The following DBP variants were observed in gnomAD, a reference collection of about 807,000 sequenced individuals.
DBP encodes the protein D site-binding protein.
A neutral mutation model predicts 21.4 loss-of-function variants in DBP; 12 were observed. That is an observed-to-expected ratio of 0.56 (90% CI 0.36 to 0.91). The LOEUF is 0.91. Among genes scored for constraint, DBP ranks in the 40% least tolerant of loss-of-function variants. The probability of loss-of-function intolerance (pLI) is 0.01; values close to 1 mark genes in which losing one functional copy is unlikely to be tolerated. For synonymous variants in DBP, 213 were observed against 224.9 expected, an observed-to-expected ratio of 0.95 and a Z score of 0.47; for missense variants, 423 against 473.4, an observed-to-expected ratio of 0.89 and a Z score of 0.99.
In DBP at chr19:48,637,036, C is replaced by T. The variant is rs761226449; in HGVS notation, c.-42G>A. ...CCAGGCTCACGGGTTCATGGAGAGG[C>T]GAAGGGCTGGCCTGCCAGTCACCAG... is the stretch of plus-strand genomic sequence containing the variant. On this transcript the variant is annotated 5_prime_UTR_variant, in exon 1 of 4. Transcript: ENST00000222122. 3 of 1,445,508 alleles carry T rather than the reference C, an allele frequency of 2.1e-6. No homozygotes were observed. The highest frequency in any genetic ancestry group is 2.9e-5 in the African/African-American group (2 of 69,656). The allele number at this position is 1,445,508 out of a possible 1,614,324, so 89.5% of individuals were successfully genotyped here. A position where few individuals can be genotyped will look rare whatever the true frequency, so the allele number is the denominator to read the frequency against.
chr19:48,635,675 G>A lies in DBP; in HGVS notation c.455C>T (p.Pro152Leu), dbSNP rs1430430679. The A allele has an allele frequency of 7.6e-7, 1 of 1,318,784 alleles. No individual in the cohort carries two copies. Among genetic ancestry groups the A allele is most frequent in the Non-Finnish European group, 9.6e-7 (1 of 1,041,906 alleles). The allele number at this position is 1,318,784 out of a possible 1,614,324, so 81.7% of individuals were successfully genotyped here. ...AGCCGAGCCGCACGAACCCGGCCCTGGGGAGGGTGCGGGCGTCCGCGCGGG... is the reference window on the plus strand; with the variant it reads ...AGCCGAGCCGCACGAACCCGGCCCTAGGGAGGGTGCGGGCGTCCGCGCGGG... ...PSPARTPAPS[P>L]GPGSCGSASP... The change falls in exon 2 of 4, where the codon CCA becomes CTA. Residue 152 changes from proline to leucine, a missense_variant. By Grantham distance (98) the Pro-to-Leu change is moderately conservative. This residue lies in a region of DBP where 283 missense variants were observed against 273.7 expected (regional missense o/e 1.03). Coordinates refer to ENST00000222122, the MANE Select transcript of DBP (RefSeq NM_001352.5).
Position 48,637,053 on chromosome 19 carries a change from A to C in DBP, c.-59T>G. On this transcript the variant is annotated 5_prime_UTR_variant, in exon 1 of 4. Coordinates refer to ENST00000222122, the MANE Select transcript of DBP (RefSeq NM_001352.5). ...TGGAGAGGCGAAGGGCTGGCCTGCCAGTCACCAGCACACTCCAGTGGTTTG... is the reference window on the plus strand; with the variant it reads ...TGGAGAGGCGAAGGGCTGGCCTGCCCGTCACCAGCACACTCCAGTGGTTTG... 1 of 1,414,480 alleles carries C rather than the reference A, an allele frequency of 7.1e-7. No homozygotes were observed. The highest frequency in any genetic ancestry group is 9.3e-7 in the Non-Finnish European group (1 of 1,078,690). The allele number at this position is 1,414,480 out of a possible 1,614,324, so 87.6% of individuals were successfully genotyped here.
rs1396773133 is a variant in DBP, at chr19:48,630,619, C to T, written c.*218G>A. ...AACGGAGGCGGTGGGAGGATAGGGT[C>T]CCTGACGTGCCGGGGACACACACAG... On this transcript the variant is annotated 3_prime_UTR_variant, in exon 4 of 4. Transcript: ENST00000222122. The surrounding 1 kb of genome is among the most constrained non-coding windows in gnomAD (Gnocchi z 4.9). The T allele has an allele frequency of 6.6e-7, 1 of 1,514,916 alleles. No individual in the cohort carries two copies. Among genetic ancestry groups the T allele is most frequent in the South Asian group, 1.2e-5 (1 of 81,172 alleles). 93.8% of individuals were successfully genotyped at this position (1,514,916 alleles called of 1,614,324 possible).
chr19:48,636,963 G>A lies in DBP; in HGVS notation c.32C>T (p.Ala11Val), dbSNP rs1254687037. The A allele has an allele frequency of 3.3e-6, 5 of 1,538,172 alleles. No homozygotes were observed. The highest frequency in any genetic ancestry group is 2.6e-6 in the Non-Finnish European group (3 of 1,144,632). ...GGCCGGGCCGCCCAGCAGCAGAGGGGCCGGGGTCCTGTCGCTCACAGGCCG... is the reference window on the plus strand; with the variant it reads ...GGCCGGGCCGCCCAGCAGCAGAGGGACCGGGGTCCTGTCGCTCACAGGCCG... Reference protein sequence around the residue: MARPVSDRTPAPLLLGGPAGT... With the variant: MARPVSDRTPVPLLLGGPAGT... Residue 11 changes from alanine (A) to valine (V), a missense_variant, in exon 1 of 4, where the codon GCC becomes GTC. Around this residue, in one of 4 missense-constraint regions of DBP, gnomAD observed 283 missense variants for 273.7 expected, o/e 1.03. Transcript: ENST00000222122.
At position 48,630,550 on chromosome 19, in the gene DBP, A is replaced by T. The variant is rs372376366; in HGVS notation, c.*287T>A. On this transcript the variant is annotated 3_prime_UTR_variant, in exon 4 of 4. Coordinates refer to ENST00000222122, the MANE Select transcript of DBP (RefSeq NM_001352.5). This position sits in a 1 kb window ranked among gnomAD's most constrained non-coding sequence, Gnocchi z 4.9. ...CCAGGGAGCTGCCCTCTTCTTCCACAACAGCTGGCTCTGGGGTTCTCAAGA... is the reference window on the plus strand; with the variant it reads ...CCAGGGAGCTGCCCTCTTCTTCCACTACAGCTGGCTCTGGGGTTCTCAAGA... 2.0e-6 allele frequency: 3 copies of T among 1,534,946 alleles called. No individual in the cohort carries two copies. Among genetic ancestry groups the T allele is most frequent in the Non-Finnish European group, 2.6e-6 (3 of 1,146,478 alleles).
intron 3 of DBP, 145 bp downstream of exon 3, chr19:48,633,299 G>A: frequency 1.2e-6 from 1 of 861,272 alleles, no homozygotes; most frequent in Non-Finnish European, 1.9e-6. Context: ...CCGTGGCCAA[G>A]GAGGACTAAT....
intron 1 of DBP, 32 bp from the exon 2 acceptor site, chr19:48,636,022 G>A: frequency 6.8e-7 from 1 of 1,481,414 alleles, no homozygotes; most frequent in Non-Finnish European, 8.9e-7. Context: ...TTGGGATGAG[G>A]GTGAGGTGGG....
In DBP at chr19:48,637,226, C is replaced by T; in HGVS notation, c.-232G>A. On this transcript the variant is annotated 5_prime_UTR_variant, in exon 1 of 4. Transcript: ENST00000222122. Reference sequence around the variant, plus strand: ...GTCCCGGGAGATCATGCAATCTGGGCGAGGGGGTGTCCAGATCAAGCGGTC... The same window carrying T: ...GTCCCGGGAGATCATGCAATCTGGGTGAGGGGGTGTCCAGATCAAGCGGTC... 2.4e-6 allele frequency: 1 copy of T among 419,996 alleles called. No individual in the cohort carries two copies. Among genetic ancestry groups the T allele is most frequent in the Non-Finnish European group, 4.2e-6 (1 of 236,518 alleles). The allele number at this position is 419,996 out of a possible 1,614,324, so 26.0% of individuals were successfully genotyped here.
rs2030679883 is a variant in DBP at position 48,633,669 on chromosome 19, C to G, written c.551-14G>C. The G allele has an allele frequency of 6.2e-7, 1 of 1,610,162 alleles. No homozygotes were observed. The highest frequency in any genetic ancestry group is 1.1e-5 in the South Asian group (1 of 91,010). Reference sequence around the variant, plus strand: ...GAGAGGTCAGGCCTTGGGGAAACAGCACGTGTCAGCTGAGTGTGTATTTTA... The same window carrying G: ...GAGAGGTCAGGCCTTGGGGAAACAGGACGTGTCAGCTGAGTGTGTATTTTA... On this transcript the variant is annotated splice_polypyrimidine_tract_variant and intron_variant, in intron 2 of 3. Coordinates refer to ENST00000222122, the MANE Select transcript of DBP (RefSeq NM_001352.5).
Position 48,635,767 on chromosome 19 carries a change from G to T in DBP, c.363C>A (p.Ala121=). Residue 121 remains alanine (A), a synonymous_variant, in exon 2 of 4, where the codon GCC becomes GCA. Transcript: ENST00000222122. ...FGDVEYVDLD[A]FLLEHGLPPS... ...GCGGGAGCCCGTGCTCCAGCAGGAA[G>T]GCGTCCAGGTCTACGTACTCCACAT... The T allele has an allele frequency of 7.1e-7, 1 of 1,399,404 alleles. No homozygotes were observed. The highest frequency in any genetic ancestry group is 1.5e-5 in the African/African-American group (1 of 66,192). The allele number at this position is 1,399,404 out of a possible 1,614,324, so 86.7% of individuals were successfully genotyped here.
At chr19:48,631,553 G>C (rs1397245711) in intron 3 of DBP, 2 of 155,768 alleles carry the variant, frequency 1.3e-5, no homozygotes, top group Non-Finnish European at 2.9e-5. Flanking sequence ...ATCCATCCTT[G>C]GCAAACAAAA....
At position 48,630,094 on chromosome 19, in the gene DBP, C is replaced by T. The variant is rs2030473238; in HGVS notation, c.*743G>A. The T allele has an allele frequency of 3.9e-6, 5 of 1,272,864 alleles. No individual in the cohort carries two copies. The highest frequency in any genetic ancestry group is 5.0e-6 in the Non-Finnish European group (5 of 1,008,976). The allele number at this position is 1,272,864 out of a possible 1,614,324, so 78.8% of individuals were successfully genotyped here. A position where few individuals can be genotyped will look rare whatever the true frequency, so the allele number is the denominator to read the frequency against. ...CCTACCCGGCCAGGATGGCTGAGGG[C>T]GGAGTCTATTTTACGCGTCGCCCAA... On this transcript the variant is annotated 3_prime_UTR_variant, in exon 4 of 4. Coordinates refer to ENST00000222122, the MANE Select transcript of DBP (RefSeq NM_001352.5). The surrounding 1 kb of genome is among the most constrained non-coding windows in gnomAD (Gnocchi z 4.9).
At chr19:48,635,388 C>T (rs2147712106) in intron 2 of DBP, 192 bp downstream of exon 2, 1 of 1,364,318 alleles carries the variant, frequency 7.3e-7, no homozygotes, top group East Asian at 4.1e-5. Context: ...TCTCCTCCCC[C>T]ATGGATCCAT....
rs181790849 is a variant in DBP, at chr19:48,633,671, C to G, written c.551-16G>C. ...GAGGTCAGGCCTTGGGGAAACAGCACGTGTCAGCTGAGTGTGTATTTTAAG... is the reference window on the plus strand; with the variant it reads ...GAGGTCAGGCCTTGGGGAAACAGCAGGTGTCAGCTGAGTGTGTATTTTAAG... On this transcript the variant is annotated splice_polypyrimidine_tract_variant and intron_variant, in intron 2 of 3. Transcript: ENST00000222122. 1.2e-6 allele frequency: 2 copies of G among 1,609,408 alleles called. No homozygotes were observed. The highest frequency in any genetic ancestry group is 1.7e-6 in the Non-Finnish European group (2 of 1,176,330).
Position 48,630,700 on chromosome 19 carries a change from T to G in DBP, c.*137A>C. The G allele has an allele frequency of 7.1e-7, 1 of 1,412,886 alleles. No homozygotes were observed. The highest frequency in any genetic ancestry group is 1.4e-5 in the South Asian group (1 of 69,952). 87.5% of individuals were successfully genotyped at this position (1,412,886 alleles called of 1,614,324 possible). A position where few individuals can be genotyped will look rare whatever the true frequency, so the allele number is the denominator to read the frequency against. On this transcript the variant is annotated 3_prime_UTR_variant, in exon 4 of 4. Coordinates refer to ENST00000222122, the MANE Select transcript of DBP (RefSeq NM_001352.5). The surrounding 1 kb of genome is among the most constrained non-coding windows in gnomAD (Gnocchi z 4.9). Reference sequence around the variant, plus strand: ...GGAGGCTCGCTTTTTCTTAAAAATATAAATGTATTTATCTGCATTATCACG... The same window carrying G: ...GGAGGCTCGCTTTTTCTTAAAAATAGAAATGTATTTATCTGCATTATCACG...
In DBP at chr19:48,630,651, C is replaced by CTA. The variant is rs2030534185; in HGVS notation, c.*185_*186insTA. On this transcript the variant is annotated 3_prime_UTR_variant, in exon 4 of 4. Coordinates refer to ENST00000222122, the MANE Select transcript of DBP (RefSeq NM_001352.5). This position sits in a 1 kb window ranked among gnomAD's most constrained non-coding sequence, Gnocchi z 4.9. ...GTGCCGGGGACACACACAGAGAACC[C>CTA]TCCCCGCCCCCGCAAGGGAGGGGGG... 6.8e-7 allele frequency: 1 copy of CTA among 1,467,116 alleles called. No individual in the cohort carries two copies. Among genetic ancestry groups the CTA allele is most frequent in the Admixed American group, 2.6e-5 (1 of 38,838 alleles). The allele number at this position is 1,467,116 out of a possible 1,614,324, so 90.9% of individuals were successfully genotyped here.
chr19:48,636,030 G>C (rs1387431682), intron 1 of DBP, 40 bp from the exon 2 acceptor site: 6 of 1,465,326 alleles, frequency 4.1e-6, no homozygotes, highest in East Asian at 5.5e-5. Context: ...AGGGTGAGGT[G>C]GGGGAGATAG....
chr19:48,634,152 T>TA (rs1391640478), intron 2 of DBP: 3 of 169,186 alleles, frequency 1.8e-5, no homozygotes, highest in African/African-American at 7.2e-5. Flanking sequence ...TAAAGATGCT[T>TA]AGAGATCATG....
rs1182381880 is a variant in DBP, at chr19:48,630,072, A to AC, written c.*764dup. On this transcript the variant is annotated 3_prime_UTR_variant, in exon 4 of 4. Coordinates refer to ENST00000222122, the MANE Select transcript of DBP (RefSeq NM_001352.5). This position sits in a 1 kb window ranked among gnomAD's most constrained non-coding sequence, Gnocchi z 4.9. ...GTCCTGACGCTTGCCACCTGCTCCT[A>AC]CCCGGCCAGGATGGCTGAGGGCGGA... 8 of 1,280,552 alleles carry AC rather than the reference A, an allele frequency of 6.2e-6. No homozygotes were observed. In the East Asian group the frequency reaches 2.4e-4, roughly 38 times the overall value. The allele number at this position is 1,280,552 out of a possible 1,614,324, so 79.3% of individuals were successfully genotyped here. A position where few individuals can be genotyped will look rare whatever the true frequency, so the allele number is the denominator to read the frequency against.
Sources: allele counts gnomAD v4.1 joint callset, GRCh38; gene constraint gnomAD v4.1.1; regional missense constraint gnomAD v4.1.1; non-coding constraint Gnocchi (gnomAD v3.1); transcripts MANE v1.5; gene names NCBI Gene and HGNC (gene_info 2026-07-23, HGNC 2026-07-21).